Variants in COL5A1 observed in about 807,000 individuals in gnomAD.
COL5A1 encodes collagen type V alpha 1 chain.
In COL5A1, 16 loss-of-function variants were observed where a neutral mutation model predicts 263.7. That is an observed-to-expected ratio of 0.06 (90% confidence interval 0.04 to 0.09). The LOEUF is 0.09. Ranked by LOEUF, COL5A1 falls within the 10% of genes least tolerant of loss-of-function variation. The probability of loss-of-function intolerance (pLI) is 1.00; values close to 1 mark genes in which losing one functional copy is unlikely to be tolerated. For missense variants in COL5A1, 2,036 were observed against 2,540.5 expected, an observed-to-expected ratio of 0.80 and a Z score of 4.27; for synonymous variants, 1,012 against 1,004.5, an observed-to-expected ratio of 1.01 and a Z score of -0.14.
intron 11 of COL5A1, among the ~76,000 whole-genome samples, chr9:134,749,101 G>C (rs1049755662): frequency 6.6e-6 from 1 of 152,192 alleles, no homozygotes; most frequent in African/African-American, 2.4e-5. Context: ...GCCCACGCTG[G>C]TGTGGACACC....
chr9:134,806,348 GT>G, intron 42 of COL5A1, 52 bp downstream of exon 42: 1 of 1,329,336 alleles, frequency 7.5e-7, no homozygotes, highest in African/African-American at 1.5e-5. Flanking sequence ...TGCTGGGGTC[GT>G]TCCGTGTCTG....
At chr9:134,674,023 A>AAG (rs1431897418) in intron 1 of COL5A1, among the ~76,000 whole-genome samples, 1 of 152,146 alleles carries the variant, frequency 6.6e-6, no homozygotes, top group Non-Finnish European at 1.5e-5. Context: ...CATACTGCAA[A>AAG]AGTGTGAGTG....
Position 134,822,148 on chromosome 9 carries a change from C to T in COL5A1, c.4606C>T (p.Pro1536Ser). ...TGGGCCTCCTGGGCCCCCTGGCCTG[C>T]CGGTGTGTATCTGGGAGGGGCTTGG... Reference protein sequence around the residue: ...PIGPPGPPGLPGPPGPKGAKG... With the variant: ...PIGPPGPPGLSGPPGPKGAKG... Residue 1536 changes from proline (P) to serine (S), a missense_variant and splice_region_variant, in exon 59 of 66, where the codon CCG (proline) becomes TCG (serine). By Grantham distance (74) the Pro-to-Ser change is moderately conservative. This residue lies in a region of COL5A1 where 1,078 missense variants were observed against 1,521.4 expected (regional missense o/e 0.71). Transcript: ENST00000371817. 6.2e-7 allele frequency: 1 copy of T among 1,606,472 alleles called. No homozygotes were observed. Among genetic ancestry groups the T allele is most frequent in the Middle Eastern group, 1.7e-4 (1 of 6,022 alleles).
At chr9:134,801,824 T>A (rs887093278) in intron 37 of COL5A1, 130 bp from the exon 38 acceptor site, 1 of 830,512 alleles carries the variant, frequency 1.2e-6, no homozygotes, top group African/African-American at 1.7e-5. Flanking sequence ...CATGGGCCTC[T>A]TACACAAAGT....
intron 14 of COL5A1, among the ~76,000 whole-genome samples, chr9:134,753,217 C>T (rs1193578616): frequency 6.6e-6 from 1 of 152,190 alleles, no homozygotes; most frequent in Non-Finnish European, 1.5e-5. Flanking sequence ...CAGCCTCACC[C>T]GCCCCTGCCC....
Position 134,767,349 on chromosome 9 carries a change from G to C in COL5A1, c.2227G>C (p.Glu743Gln), listed in dbSNP as rs763637692. The C allele has an allele frequency of 1.2e-6, 2 of 1,614,064 alleles. No homozygotes were observed. Among genetic ancestry groups the C allele is most frequent in the Non-Finnish European group, 1.7e-6 (2 of 1,180,020 alleles). ...GPQGAIGPPG[E>Q]KGPLGKPGLP... ...CCAGGGTGCAATTGGTCCTCCAGGA[G>C]AAAAGGTAGGTGGGCCTGGGCTGTG... is the stretch of plus-strand genomic sequence containing the variant. Residue 743 changes from glutamate to glutamine, a missense_variant, in exon 24 of 66, where the codon GAA becomes CAA. Coordinates refer to ENST00000371817, the MANE Select transcript of COL5A1 (RefSeq NM_000093.5).
At chr9:134,797,844 A>G (rs73560100) in intron 36 of COL5A1, among the ~76,000 whole-genome samples, 9,902 of 152,260 alleles carry the variant, frequency 0.065, 473 homozygotes, top group African/African-American at 0.13. Flanking sequence ...ACACCCATCT[A>G]GGTTGGCTTC....
chr9:134,761,183 C>T (rs1360326250), intron 18 of COL5A1, among the ~76,000 whole-genome samples: 2 of 148,058 alleles, frequency 1.4e-5, no homozygotes, highest in South Asian at 2.2e-4. Flanking sequence ...CACACATATG[C>T]ACCCCCCATC....
intron 4 of COL5A1, among the ~76,000 whole-genome samples, chr9:134,724,607 A>G (rs1448579897): frequency 6.6e-6 from 1 of 152,212 alleles, no homozygotes; most frequent in African/African-American, 2.4e-5. Flanking sequence ...CCCTCGGAAC[A>G]ATGATGGGTG....
At position 134,758,261 on chromosome 9, in the gene COL5A1, G is replaced by A. The variant is rs183627101; in HGVS notation, c.1900G>A (p.Gly634Ser). The change falls in exon 18 of 66, where the codon GGC becomes AGC. Residue 634 changes from glycine (G) to serine (S), a missense_variant. This residue lies in a region of COL5A1 where 1,078 missense variants were observed against 1,521.4 expected (regional missense o/e 0.71). Coordinates refer to ENST00000371817, the MANE Select transcript of COL5A1 (RefSeq NM_000093.5). The surrounding 1 kb of genome is among the most constrained non-coding windows in gnomAD (Gnocchi z 4.1). ...TTTGCAGGGTGACCGGGGTTTCGACGGCCTGGCTGGGTTGCCAGGCGAGAA... is the reference window on the plus strand; with the variant it reads ...TTTGCAGGGTGACCGGGGTTTCGACAGCCTGGCTGGGTTGCCAGGCGAGAA... ...TGPKGDRGFD[G>S]LAGLPGEKGH... The A allele has an allele frequency of 3.1e-6, 5 of 1,613,828 alleles. No homozygotes were observed. Among genetic ancestry groups the A allele is most frequent in the Non-Finnish European group, 4.2e-6 (5 of 1,179,986 alleles).
chr9:134,695,772 A>G (rs1243633525), intron 2 of COL5A1, among the ~76,000 whole-genome samples: 7 of 152,066 alleles, frequency 4.6e-5, no homozygotes, highest in Admixed American at 1.3e-4. Context: ...TGTAAACTTC[A>G]CTTCTGGCCA....
chr9:134,700,878 C>T lies in COL5A1; in HGVS notation c.492-293C>T, dbSNP rs1452847225. On this transcript the variant is annotated intron_variant, in intron 3 of 65. Coordinates refer to ENST00000371817, the MANE Select transcript of COL5A1 (RefSeq NM_000093.5). This position sits in a 1 kb window ranked among gnomAD's most constrained non-coding sequence, Gnocchi z 4.0. Reference sequence around the variant, plus strand: ...ACACTCCTGGGTCCCGAGCCAGTGCCGAGTGCTGTGTGCTCCCCCTTCCCC... The same window carrying T: ...ACACTCCTGGGTCCCGAGCCAGTGCTGAGTGCTGTGTGCTCCCCCTTCCCC... Among the ~76,000 whole-genome samples, 7 of 152,292 alleles carry T rather than the reference C, an allele frequency of 4.6e-5. No individual in the cohort carries two copies. The highest frequency in any genetic ancestry group is 1.9e-4 in the East Asian group (1 of 5,170).
At chr9:134,723,299 A>G (rs1834533162) in intron 4 of COL5A1, among the ~76,000 whole-genome samples, 1 of 143,876 alleles carries the variant, frequency 7.0e-6, no homozygotes, top group African/African-American at 2.8e-5. Flanking sequence ...GGTGCTGTCC[A>G]TGATGTGGGG....
chr9:134,815,796 T>A (rs1224967044), intron 51 of COL5A1, 139 bp from the exon 52 acceptor site: 2 of 1,267,928 alleles, frequency 1.6e-6, no homozygotes, highest in East Asian at 4.9e-5. Context: ...AAAACGCCTT[T>A]GACCCCACTG....
At chr9:134,737,322 C>T (rs1835139309) in intron 9 of COL5A1, among the ~76,000 whole-genome samples, 1 of 152,218 alleles carries the variant, frequency 6.6e-6, no homozygotes, top group African/African-American at 2.4e-5. Context: ...CCAGAGCTGC[C>T]CCTGGGCCTG....
In COL5A1 at chr9:134,707,522, C is replaced by T. The variant is rs192198755; in HGVS notation, c.654+6189C>T. On this transcript the variant is annotated intron_variant, in intron 4 of 65. Transcript: ENST00000371817. ...TGAGTGGGCCTTTCTCAGCCATCCACGGAGGCACCCTGGGATTCCTGTGAG... is the reference window on the plus strand; with the variant it reads ...TGAGTGGGCCTTTCTCAGCCATCCATGGAGGCACCCTGGGATTCCTGTGAG... Among the ~76,000 whole-genome samples, 245 of 152,180 alleles carry T rather than the reference C, an allele frequency of 1.6e-3. 2 individuals are homozygous for T. The highest frequency in any genetic ancestry group is 5.6e-3 in the African/African-American group (234 of 41,518).
chr9:134,646,097 C>T (rs1831466530), intron 1 of COL5A1, among the ~76,000 whole-genome samples: 1 of 152,172 alleles, frequency 6.6e-6, no homozygotes, highest in Non-Finnish European at 1.5e-5. Flanking sequence ...CTTCCCAGGC[C>T]TCTCTGCACA....
At chr9:134,648,456 A>C (rs73556943) in intron 1 of COL5A1, among the ~76,000 whole-genome samples, 1,524 of 152,072 alleles carry the variant, frequency 0.01, 25 homozygotes, top group African/African-American at 0.035. Flanking sequence ...CTGGCAAAGG[A>C]CAGGCAGCCG....
chr9:134,657,757 G>A (rs1832065889), intron 1 of COL5A1, among the ~76,000 whole-genome samples: 1 of 151,722 alleles, frequency 6.6e-6, no homozygotes, highest in African/African-American at 2.4e-5. Flanking sequence ...AGGCCTGACG[G>A]GGAAGGGCAG....
Sources: allele counts gnomAD v4.1 joint callset (sites outside exome capture counted in the v4.1 genomes callset), GRCh38; gene constraint gnomAD v4.1.1; regional missense constraint gnomAD v4.1.1; non-coding constraint Gnocchi (gnomAD v3.1); transcripts MANE v1.5; gene names NCBI Gene and HGNC (gene_info 2026-07-23, HGNC 2026-07-21).